Variants in RPH3AL observed in about 807,000 individuals in gnomAD.
RPH3AL encodes rabphilin 3A like (without C2 domains), also known as rab effector Noc2.
Under a neutral mutation model 43.1 loss-of-function variants are expected in RPH3AL, and 38 were observed. The ratio of observed to expected loss-of-function variants is 0.88; its 90% CI spans 0.68 to 1.15. The LOEUF (loss-of-function observed/expected upper bound fraction) is 1.15, where lower values mean the gene tolerates loss of function less well. Among genes scored for constraint, RPH3AL ranks in the 50% most tolerant of loss-of-function variants. The probability of loss-of-function intolerance (pLI) is 0.00; values close to 1 mark genes in which losing one functional copy is unlikely to be tolerated. For missense variants in RPH3AL, 462 were observed against 423.2 expected (o/e 1.09, Z -0.81); for synonymous variants, 189 against 176.3 (o/e 1.07, Z -0.57).
intron 6 of RPH3AL, among the ~76,000 whole-genome samples, chr17:272,948 AGCAAGGGCTACGTCAGGGTGAGACCCC>A (rs2042515939): frequency 2.2e-5 from 1 of 44,738 alleles, no homozygotes; most frequent in African/African-American, 6.9e-5. Flanking sequence ...GAGAGACCCC[AGCAAGGGCTACGTCAGGGTGAGACCCC>A]AGCAAGGGCT....
intron 5 of RPH3AL, among the ~76,000 whole-genome samples, chr17:301,730 C>G (rs534496807): frequency 2.0e-5 from 3 of 152,166 alleles, no homozygotes; most frequent in African/African-American, 7.2e-5. Flanking sequence ...TGACCCACCG[C>G]GCCCGGCCTG....
At chr17:247,539 G>A in intron 6 of RPH3AL, 2 of 462,508 alleles carry the variant, frequency 4.3e-6, no homozygotes, top group Non-Finnish European at 7.6e-6. Context: ...AGGCTGGAGT[G>A]CAGTGGTGCA....
At chr17:251,417 A>G (rs962949918) in intron 6 of RPH3AL, among the ~76,000 whole-genome samples, 7 of 152,198 alleles carry the variant, frequency 4.6e-5, no homozygotes, top group Non-Finnish European at 1.0e-4. Flanking sequence ...GGGGAAACTG[A>G]GGCTCCAACA....
Position 274,780 on chromosome 17 carries a change from G to A in RPH3AL, c.438+6988C>T, listed in dbSNP as rs1763435650. 6.6e-6 allele frequency among the ~76,000 whole-genome samples: 1 copy of A among 152,164 alleles called. No individual in the cohort carries two copies. The highest frequency in any genetic ancestry group is 1.5e-5 in the Non-Finnish European group (1 of 68,018). On this transcript the variant is annotated intron_variant, in intron 6 of 9. Transcript: ENST00000331302. This position sits in a 1 kb window ranked among gnomAD's most constrained non-coding sequence, Gnocchi z 4.7. ...TAGGCTGCTGCAGAAGCGGGGAGGG[G>A]AAAACCTCCAAAGTGTTTAGTGCAG...
chr17:301,408 A>T (rs2151638260), intron 5 of RPH3AL, among the ~76,000 whole-genome samples: 1 of 152,272 alleles, frequency 6.6e-6, no homozygotes, highest in Admixed American at 6.5e-5. Context: ...GGCTTAAGCA[A>T]TCCTCCCACC....
chr17:307,304 AGGTCCTCCCCACG>A (rs1555568594), intron 5 of RPH3AL, among the ~76,000 whole-genome samples: 43 of 3,154 alleles, frequency 0.014, no homozygotes, highest in Middle Eastern at 0.25. Context: ...ATCCCACGGC[AGGTCCTCCCCACG>A]GCAGGTCCTC....
At chr17:331,918 G>A in intron 2 of RPH3AL, 1 of 1,254,786 alleles carries the variant, frequency 8.0e-7, no homozygotes, top group South Asian at 1.3e-5. Flanking sequence ...AACAAAATAG[G>A]GCCTTATAGA....
At position 245,223 on chromosome 17, in the gene RPH3AL, A is replaced by ATG. The variant is rs982745106; in HGVS notation, c.613+1886_613+1887dup. Among the ~76,000 whole-genome samples, 1 of 122,028 alleles carries ATG rather than the reference A, an allele frequency of 8.2e-6. No homozygotes were observed. The highest frequency in any genetic ancestry group is 2.8e-4 in the South Asian group (1 of 3,538). The allele number at this position is 122,028 out of a possible 152,430, so 80.1% of individuals were successfully genotyped here. A position where few individuals can be genotyped will look rare whatever the true frequency, so the allele number is the denominator to read the frequency against. On this transcript the variant is annotated intron_variant, in intron 7 of 9. Transcript: ENST00000331302. This position sits in a 1 kb window ranked among gnomAD's most constrained non-coding sequence, Gnocchi z 5.9. ...GATGTGAGCGTGTGTGTCCATGTGG[A>ATG]TGTGTGTGTGCGTGTGGATGAGAGC...
In RPH3AL at chr17:325,526, C is replaced by G. The variant is rs565374868; in HGVS notation, c.77+1941G>C. Among the ~76,000 whole-genome samples, 25 of 152,240 alleles carry G rather than the reference C, an allele frequency of 1.6e-4. No individual in the cohort carries two copies. The East Asian group carries it at 4.6e-3, about 28-fold the overall frequency. On this transcript the variant is annotated intron_variant, in intron 3 of 9. Coordinates refer to ENST00000331302, the MANE Select transcript of RPH3AL (RefSeq NM_006987.4). ...TCCTTCTGCCTGGAAGCGCTTCCCC[C>G]CTACTCCCATCTAACATTGGCCCAT...
intron 5 of RPH3AL, among the ~76,000 whole-genome samples, chr17:314,050 G>C (rs1598076984): frequency 1.3e-5 from 2 of 152,138 alleles, no homozygotes; most frequent in Non-Finnish European, 2.9e-5. Context: ...AGAGTAGCGT[G>C]GGGACCCACA....
chr17:271,110 C>G (rs1394493736), intron 6 of RPH3AL, among the ~76,000 whole-genome samples: 2 of 152,102 alleles, frequency 1.3e-5, no homozygotes, highest in Non-Finnish European at 2.9e-5. Context: ...ATTTCTGAGG[C>G]CTCTGTTGTG....
At chr17:281,340 G>A (rs367778031) in intron 6 of RPH3AL, among the ~76,000 whole-genome samples, 9 of 152,092 alleles carry the variant, frequency 5.9e-5, no homozygotes, top group Non-Finnish European at 1.2e-4. Flanking sequence ...CACCACTGGG[G>A]TTGTGCAGGG....
At chr17:268,273 C>T (rs918332789) in intron 6 of RPH3AL, among the ~76,000 whole-genome samples, 4 of 152,144 alleles carry the variant, frequency 2.6e-5, no homozygotes, top group African/African-American at 9.7e-5. Flanking sequence ...CCTTCCTCCT[C>T]AGCCTACCCA....
rs2044670379 is a variant in RPH3AL at position 328,524 on chromosome 17, C to T, written c.-36-945G>A. ...CTCAAAATGTTGAACACAGACTTAC[C>T]ATATGACCCAGAAACTCTACTCCTA... On this transcript the variant is annotated intron_variant, in intron 2 of 9. Transcript: ENST00000331302. This position sits in a 1 kb window ranked among gnomAD's most constrained non-coding sequence, Gnocchi z 4.2. Among the ~76,000 whole-genome samples, 1 of 151,930 alleles carries T rather than the reference C, an allele frequency of 6.6e-6. No homozygotes were observed. The highest frequency in any genetic ancestry group is 2.4e-5 in the African/African-American group (1 of 41,320).
chr17:233,405 C>G (rs4890198), intron 7 of RPH3AL, among the ~76,000 whole-genome samples: 16,009 of 152,206 alleles, frequency 0.11, 1,025 homozygotes, highest in Non-Finnish European at 0.14. Flanking sequence ...CAAGACTGTC[C>G]GGCCCAGGAG....
intron 6 of RPH3AL, among the ~76,000 whole-genome samples, chr17:253,011 A>G (rs1685056336): frequency 6.6e-6 from 1 of 152,152 alleles, no homozygotes; most frequent in South Asian, 2.1e-4. Context: ...CCACATTCCC[A>G]GGAGGCTACA....
chr17:309,537 C>A (rs867570451), intron 5 of RPH3AL, among the ~76,000 whole-genome samples: 1 of 34,680 alleles, frequency 2.9e-5, no homozygotes, highest in Non-Finnish European at 1.1e-4. Flanking sequence ...TCCTGCCAGC[C>A]CCCCTGCTGG....
chr17:315,280 C>T lies in RPH3AL; in HGVS notation c.351+4140G>A, dbSNP rs74185969. On this transcript the variant is annotated intron_variant, in intron 5 of 9. Transcript: ENST00000331302. ...GCCCCCACCTCCATTGACCTGTAGT[C>T]CCTGTGCCCCCACCTCCAGTGACCT... Among the ~76,000 whole-genome samples the T allele has an allele frequency of 0.028, 319 of 11,554 alleles. 1 individual carries two copies. The East Asian group carries it at 0.33, about 12-fold the overall frequency. 7.6% of individuals were successfully genotyped at this position (11,554 alleles called of 152,430 possible). A position where few individuals can be genotyped will look rare whatever the true frequency, so the allele number is the denominator to read the frequency against.
intron 5 of RPH3AL, among the ~76,000 whole-genome samples, chr17:297,354 C>G (rs560316128): frequency 6.6e-6 from 1 of 152,338 alleles, no homozygotes; most frequent in South Asian, 2.1e-4. Context: ...AGCAAATTAT[C>G]GAACCCAAAG....
Sources: gnomAD v4.1 joint callset for allele counts (sites outside exome capture counted in the v4.1 genomes callset) on GRCh38, gnomAD v4.1.1 for gene constraint, Gnocchi (gnomAD v3.1) non-coding constraint, MANE v1.5 for transcripts, NCBI Gene and HGNC (gene_info 2026-07-23, HGNC 2026-07-21) for gene names.